CA10: variants seen among roughly 807,000 people sequenced by gnomAD.
The protein encoded by CA10 is carbonic anhydrase-related protein 10.
A neutral mutation model predicts 44.2 loss-of-function variants in CA10; 14 were observed. The observed-to-expected ratio is 0.32, with a 90% CI of 0.21 to 0.50. The LOEUF (loss-of-function observed/expected upper bound fraction) is 0.50. Ranked by LOEUF, CA10 falls within the 20% of genes least tolerant of loss-of-function variation. The pLI is 0.99. For synonymous variants in CA10, 159 were observed against 141.6 expected (o/e 1.12, Z -0.87); for missense variants, 350 against 409.7 (o/e 0.85, Z 1.26).
At chr17:51,959,282 CTGTGTGTGTGTGTGTG>C (rs71149386) in intron 2 of CA10, among the ~76,000 whole-genome samples, 1,734 of 134,456 alleles carry the variant, frequency 0.013, 44 homozygotes, top group African/African-American at 0.047. Context: ...CTCTCTCTCT[CTGTGTGTGTGTGTGTG>C]TGTGTGTGTG....
intron 4 of CA10, among the ~76,000 whole-genome samples, chr17:51,707,671 A>ATGTGTGTATGTGTG (rs1555587857): frequency 7.0e-6 from 1 of 142,910 alleles, no homozygotes; most frequent in East Asian, 2.2e-4. Flanking sequence ...GTGGATGAAT[A>ATGTGTGTATGTGTG]TGTGTGTGTG....
intron 3 of CA10, among the ~76,000 whole-genome samples, chr17:51,855,589 C>T (rs1335782683): frequency 6.6e-6 from 1 of 152,156 alleles, no homozygotes; most frequent in Non-Finnish European, 1.5e-5. Context: ...GAGCACAGTG[C>T]CTGAACCATA....
At chr17:51,851,145 T>C (rs1014036997) in intron 3 of CA10, among the ~76,000 whole-genome samples, 2 of 152,200 alleles carry the variant, frequency 1.3e-5, no homozygotes, top group Non-Finnish European at 2.9e-5. Flanking sequence ...CACTGTCACT[T>C]ATTAGCTATG....
intron 1 of CA10, among the ~76,000 whole-genome samples, chr17:52,126,097 T>C (rs1989112636): frequency 6.6e-6 from 1 of 152,180 alleles, no homozygotes; most frequent in South Asian, 2.1e-4. Context: ...ACATATACAA[T>C]GTAATATATA....
intron 4 of CA10, among the ~76,000 whole-genome samples, chr17:51,682,061 A>G (rs1914866380): frequency 6.6e-6 from 1 of 152,210 alleles, no homozygotes; most frequent in African/African-American, 2.4e-5. Context: ...GTTTTCCCCT[A>G]ATGCCAGGCA....
intron 1 of CA10, among the ~76,000 whole-genome samples, chr17:52,118,437 A>G (rs1285889884): frequency 6.6e-6 from 1 of 152,144 alleles, no homozygotes; most frequent in South Asian, 2.1e-4. Flanking sequence ...CTGAAATTCT[A>G]TTTTATAGCA....
chr17:51,973,627 A>C (rs898180249), intron 2 of CA10, among the ~76,000 whole-genome samples: 2 of 152,202 alleles, frequency 1.3e-5, no homozygotes, highest in African/African-American at 4.8e-5. Context: ...AATTTCATAA[A>C]AATTGCAAAT....
At chr17:51,675,774 T>C (rs1914609451) in intron 4 of CA10, among the ~76,000 whole-genome samples, 1 of 152,144 alleles carries the variant, frequency 6.6e-6, no homozygotes, top group Non-Finnish European at 1.5e-5. Context: ...AATCAGTAGT[T>C]CTCTTAGGTT....
intron 3 of CA10, among the ~76,000 whole-genome samples, chr17:51,759,425 A>G (rs955246731): frequency 6.8e-6 from 1 of 147,946 alleles, no homozygotes; most frequent in East Asian, 1.9e-4. Context: ...AATATATTTA[A>G]TATATGTAAA....
chr17:51,642,793 C>G lies in CA10; in HGVS notation c.634+6389G>C, dbSNP rs375251226. Among the ~76,000 whole-genome samples, 35 of 152,224 alleles carry G rather than the reference C, an allele frequency of 2.3e-4. 1 individual carries two copies. In the East Asian group the frequency reaches 3.3e-3, roughly 14 times the overall value. ...GAGTAGCTGGGATTATAGGTGCCCA[C>G]CACCATGCCCAGCTAATTTTTGTAT... is the stretch of plus-strand genomic sequence containing the variant. On this transcript the variant is annotated intron_variant, in intron 6 of 8. Transcript: ENST00000451037.
chr17:52,010,631 G>T (rs1310941086), intron 2 of CA10, among the ~76,000 whole-genome samples: 1 of 151,704 alleles, frequency 6.6e-6, no homozygotes, highest in Non-Finnish European at 1.5e-5. Context: ...AAAATGTGGG[G>T]GATGGTGAGG....
intron 1 of CA10, among the ~76,000 whole-genome samples, chr17:52,089,159 G>A (rs1374897693): frequency 6.6e-6 from 1 of 152,136 alleles, no homozygotes; most frequent in East Asian, 1.9e-4. Context: ...TAATTTTCAA[G>A]GTCAAAAAGA....
At chr17:51,692,669 C>A (rs371904887) in intron 4 of CA10, among the ~76,000 whole-genome samples, 1 of 151,574 alleles carries the variant, frequency 6.6e-6, no homozygotes. Flanking sequence ...GTAGATGCAC[C>A]ATGGTTAATC....
chr17:51,746,017 A>C (rs1386494551), intron 4 of CA10, among the ~76,000 whole-genome samples: 1 of 152,216 alleles, frequency 6.6e-6, no homozygotes. Context: ...GTTGTACTCT[A>C]GTTCAGAATC....
intron 3 of CA10, among the ~76,000 whole-genome samples, chr17:51,857,146 A>T (rs1319103589): frequency 1.3e-5 from 2 of 152,218 alleles, no homozygotes; most frequent in Non-Finnish European, 2.9e-5. Context: ...TATTTACCAA[A>T]GCATATATTC....
chr17:52,031,704 G>A lies in CA10; in HGVS notation c.136+40615C>T, dbSNP rs191255973. ...TCTCAAGGATTAAAGACAATAATAA[G>A]TAAAGAGTTCTTCACACAGTTCTTT... On this transcript the variant is annotated intron_variant, in intron 2 of 8. Coordinates refer to ENST00000451037, the MANE Select transcript of CA10 (RefSeq NM_020178.5). Among the ~76,000 whole-genome samples the A allele has an allele frequency of 1.4e-3, 206 of 152,214 alleles. 1 individual carries two copies. Among genetic ancestry groups the A allele is most frequent in the African/African-American group, 4.6e-3 (192 of 41,550 alleles).
chr17:51,653,673 T>C lies in CA10; in HGVS notation c.529A>G (p.Asn177Asp), dbSNP rs1597964711. 3.1e-6 allele frequency: 5 copies of C among 1,607,930 alleles called. No individual in the cohort carries two copies. Among genetic ancestry groups the C allele is most frequent in the Admixed American group, 1.7e-5 (1 of 59,986 alleles). ...AATATAGAAACTACCACCAATCCATTTGGACTCTTTGCAGCTTCTGTGACA... is the reference window on the plus strand; with the variant it reads ...AATATAGAAACTACCACCAATCCATCTGGACTCTTTGCAGCTTCTGTGACA... ...TNVTEAAKSP[N>D]GLVVVSIFIK... Residue 177 changes from asparagine to aspartate, a missense_variant, in exon 5 of 9, where the codon AAT becomes GAT. Asn to Asp is a conservative substitution (Grantham distance 23, BLOSUM62 1). Transcript: ENST00000451037.
At chr17:51,687,742 T>C (rs1382878098) in intron 4 of CA10, among the ~76,000 whole-genome samples, 2 of 152,240 alleles carry the variant, frequency 1.3e-5, no homozygotes, top group Non-Finnish European at 2.9e-5. Context: ...CTTGCTCTTA[T>C]AAAATGCTAT....
intron 8 of CA10, 132 bp from the exon 9 acceptor site, chr17:51,631,738 A>G (rs113589530): frequency 2.6e-6 from 2 of 756,106 alleles, no homozygotes; most frequent in African/African-American, 3.5e-5. Flanking sequence ...CTGCTTACTT[A>G]TATGCATTCC....
Sources: gnomAD v4.1 joint callset for allele counts (sites outside exome capture counted in the v4.1 genomes callset) on GRCh38, gnomAD v4.1.1 for gene constraint, MANE v1.5 for transcripts, NCBI Gene and HGNC (gene_info 2026-07-23, HGNC 2026-07-21) for gene names.